The following WDR72 variants were observed in gnomAD, a reference collection of about 807,000 sequenced individuals.
The protein encoded by WDR72 is WD repeat domain 72.
In WDR72, 120 loss-of-function variants were observed where a neutral mutation model predicts 124.2. The ratio of observed to expected loss-of-function variants is 0.97; its 90% CI spans 0.83 to 1.12. The LOEUF (loss-of-function observed/expected upper bound fraction) is 1.12, where lower values mean the gene tolerates loss of function less well. Ranked by LOEUF, WDR72 falls within the 50% of genes most tolerant of loss-of-function variation. The pLI, the probability that WDR72 is intolerant of heterozygous loss-of-function variation, is 0.00. For missense variants in WDR72, 1,387 were observed against 1,278.8 expected, an observed-to-expected ratio of 1.08 and a Z score of -1.29; for synonymous variants, 452 against 441.7, an observed-to-expected ratio of 1.02 and a Z score of -0.29.
chr15:53,714,246 G>A (rs542510377), intron 6 of WDR72, among the ~76,000 whole-genome samples, 188 bp downstream of exon 6: 7 of 151,968 alleles, frequency 4.6e-5, no homozygotes, highest in Non-Finnish European at 1.0e-4. Flanking sequence ...AGGTTGGAAG[G>A]ATACAAGCCA....
intron 13 of WDR72, among the ~76,000 whole-genome samples, chr15:53,678,645 A>G (rs190855198): frequency 7.7e-4 from 117 of 152,282 alleles, no homozygotes; most frequent in Non-Finnish European, 2.4e-4. Flanking sequence ...GTCCTACCCA[A>G]TTCTGAATTA....
At chr15:53,604,490 T>C (rs910964832) in intron 17 of WDR72, among the ~76,000 whole-genome samples, 1 of 152,168 alleles carries the variant, frequency 6.6e-6, no homozygotes, top group Non-Finnish European at 1.5e-5. Flanking sequence ...TGGGATCTAA[T>C]TAAACTAAAG....
chr15:53,714,561 T>C (rs1359903623), intron 5 of WDR72, 51 bp from the exon 6 acceptor site: 5 of 1,414,952 alleles, frequency 3.5e-6, no homozygotes, highest in Admixed American at 1.7e-5. Flanking sequence ...TATAATTGGG[T>C]AGGTAAAAAT....
At chr15:53,525,238 G>C (rs1713509228) in intron 18 of WDR72, among the ~76,000 whole-genome samples, 1 of 151,952 alleles carries the variant, frequency 6.6e-6, no homozygotes, top group African/African-American at 2.4e-5. Context: ...TATTATGTTG[G>C]TCAAGATTTC....
chr15:53,617,446 T>G (rs2013813365), intron 14 of WDR72, among the ~76,000 whole-genome samples: 1 of 151,476 alleles, frequency 6.6e-6, no homozygotes, highest in Admixed American at 6.6e-5. Flanking sequence ...TTTTTTACAG[T>G]GATGATATAT....
intron 14 of WDR72, among the ~76,000 whole-genome samples, chr15:53,655,328 A>G (rs1323207188): frequency 2.0e-5 from 3 of 151,476 alleles, no homozygotes; most frequent in Non-Finnish European, 2.9e-5. Flanking sequence ...TTAATAAAAG[A>G]TAGGTCCTTG....
At chr15:53,520,595 T>TA (rs781551429) in intron 19 of WDR72, among the ~76,000 whole-genome samples, 5 of 152,034 alleles carry the variant, frequency 3.3e-5, no homozygotes, top group Non-Finnish European at 7.4e-5. Flanking sequence ...TCTCACCACC[T>TA]AAAAACCCCA....
At chr15:53,613,830 T>A (rs2013649522) in intron 15 of WDR72, 73 bp from the exon 16 acceptor site, 1 of 1,038,454 alleles carries the variant, frequency 9.6e-7, no homozygotes, top group Non-Finnish European at 1.5e-6. Context: ...ATCAAAGATA[T>A]GGGTACATGA....
At position 53,700,096 on chromosome 15, in the gene WDR72, A is replaced by G. The variant is rs145213703; in HGVS notation, c.1570-151T>C. On this transcript the variant is annotated intron_variant, in intron 12 of 19. Coordinates refer to ENST00000360509, the MANE Select transcript of WDR72 (RefSeq NM_182758.4). ...CTGCTTTCTACAGCACCTTTCATGT[A>G]ACCCTCTACAGAGGAGCTTTAAACA... The G allele has an allele frequency of 6.7e-5, 58 of 861,144 alleles. No individual in the cohort carries two copies. In the African/African-American group the frequency reaches 8.7e-4, roughly 13 times the overall value. 53.3% of individuals were successfully genotyped at this position (861,144 alleles called of 1,614,324 possible).
intron 18 of WDR72, among the ~76,000 whole-genome samples, chr15:53,526,640 T>C (rs1015455474): frequency 6.6e-6 from 1 of 152,092 alleles, no homozygotes; most frequent in Non-Finnish European, 1.5e-5. Flanking sequence ...GTTGTCCTTT[T>C]ACTATACATA....
rs529092666 is a variant in WDR72, at chr15:53,712,544, G to A, written c.711+228C>T. ...TGGGGGGTGGAGGTTGCAGTGAGCT[G>A]AGATCGTGCCGCTGCACTCCAGCCT... On this transcript the variant is annotated intron_variant, in intron 7 of 19. Coordinates refer to ENST00000360509, the MANE Select transcript of WDR72 (RefSeq NM_182758.4). Among the ~76,000 whole-genome samples the A allele has an allele frequency of 1.3e-4, 20 of 151,834 alleles. No homozygotes were observed. The East Asian group carries it at 3.3e-3, about 25-fold the overall frequency.
At chr15:53,704,079 C>CACA (rs1402889171) in intron 11 of WDR72, among the ~76,000 whole-genome samples, 11 of 152,176 alleles carry the variant, frequency 7.2e-5, no homozygotes, top group Non-Finnish European at 1.5e-4. Flanking sequence ...AAGCACAAGT[C>CACA]AGTAACATTT....
chr15:53,658,074 T>TTA (rs1021689046), intron 14 of WDR72, among the ~76,000 whole-genome samples: 2 of 152,222 alleles, frequency 1.3e-5, no homozygotes, highest in Non-Finnish European at 2.9e-5. Flanking sequence ...ACACTTTAGA[T>TTA]GAGGACTTAT....
intron 18 of WDR72, among the ~76,000 whole-genome samples, chr15:53,543,791 A>AT (rs1893294279): frequency 6.6e-6 from 1 of 152,216 alleles, no homozygotes; most frequent in Non-Finnish European, 1.5e-5. Context: ...AATAGACGCA[A>AT]TAAAAAATGA....
chr15:53,721,477 T>C (rs1023209035), intron 3 of WDR72, among the ~76,000 whole-genome samples: 3 of 152,164 alleles, frequency 2.0e-5, no homozygotes, highest in Non-Finnish European at 4.4e-5. Flanking sequence ...GTGGCAGCCC[T>C]GGTGAATGAA....
chr15:53,668,992 G>GGAGGAGGGGA (rs1567016149), intron 13 of WDR72, among the ~76,000 whole-genome samples: 3 of 24,770 alleles, frequency 1.2e-4, no homozygotes, highest in African/African-American at 2.5e-4. Context: ...GGAGAAGGAG[G>GGAGGAGGGGA]AGGAGAAGGA....
At chr15:53,712,720 A>G in intron 7 of WDR72, 52 bp downstream of exon 7, 1 of 1,566,456 alleles carries the variant, frequency 6.4e-7, no homozygotes, top group Non-Finnish European at 8.7e-7. Flanking sequence ...GTACAAAACA[A>G]AAAAAATTAC....
chr15:53,566,964 C>A (rs1225490993), intron 18 of WDR72, among the ~76,000 whole-genome samples: 1 of 151,964 alleles, frequency 6.6e-6, no homozygotes, highest in Non-Finnish European at 1.5e-5. Context: ...TGATACATTT[C>A]TTTAAACTCT....
At chr15:53,706,964 A>C (rs2017398332) in intron 9 of WDR72, among the ~76,000 whole-genome samples, 1 of 152,186 alleles carries the variant, frequency 6.6e-6, no homozygotes, top group African/African-American at 2.4e-5. Flanking sequence ...GAATGCATTT[A>C]GAGCATCCCT....
Sources: gnomAD v4.1 joint callset for allele counts (sites outside exome capture counted in the v4.1 genomes callset) on GRCh38, gnomAD v4.1.1 for gene constraint, MANE v1.5 for transcripts, NCBI Gene and HGNC (gene_info 2026-07-23, HGNC 2026-07-21) for gene names.